Variants in FLVCR1 observed in about 807,000 individuals in gnomAD.
The protein encoded by FLVCR1 is choline/ethanolamine transporter FLVCR1.
Under a neutral mutation model 53.6 loss-of-function variants are expected in FLVCR1, and 34 were observed. The observed-to-expected ratio is 0.63, with a 90% confidence interval of 0.48 to 0.84. The LOEUF (loss-of-function observed/expected upper bound fraction) is 0.84, where lower values mean the gene tolerates loss of function less well. Ranked by LOEUF, FLVCR1 falls within the 40% of genes least tolerant of loss-of-function variation. FLVCR1 has a pLI of 0.00. For missense variants in FLVCR1, 677 were observed against 696.7 expected (o/e 0.97, Z 0.32); for synonymous variants, 300 against 286.3 (o/e 1.05, Z -0.48).
intron 3 of FLVCR1, among the ~76,000 whole-genome samples, chr1:212,877,685 A>G (rs549085060): frequency 4.1e-4 from 30 of 72,832 alleles, no homozygotes; most frequent in African/African-American, 1.2e-3. Flanking sequence ...CTCTGATGAT[A>G]GTTTTTTTTT....
chr1:212,888,184 G>T lies in FLVCR1; in HGVS notation c.1307+183G>T, dbSNP rs536917064. On this transcript the variant is annotated intron_variant, in intron 6 of 9. Transcript: ENST00000366971. The stretch of plus-strand genomic sequence containing the variant: ...AACTATTAAAAATTATTTAAAATTG[G>T]TTTTTGGTATACCATAGGTAAAAAA... 3.3e-5 allele frequency among the ~76,000 whole-genome samples: 5 copies of T among 152,138 alleles called. No homozygotes were observed. The East Asian group carries it at 7.7e-4, about 23-fold the overall frequency.
chr1:212,893,470 C>T (rs926941641), intron 8 of FLVCR1, among the ~76,000 whole-genome samples: 10 of 152,166 alleles, frequency 6.6e-5, no homozygotes, highest in Admixed American at 2.0e-4. Flanking sequence ...ATAAACTTAG[C>T]TGATGAAGCA....
At chr1:212,879,528 T>C (rs1203323301) in intron 3 of FLVCR1, among the ~76,000 whole-genome samples, 1 of 151,966 alleles carries the variant, frequency 6.6e-6, no homozygotes, top group East Asian at 2.0e-4. Context: ...AAGATAAAAT[T>C]TTTTTTGGAA....
At position 212,896,091 on chromosome 1, in the gene FLVCR1, A is replaced by T. The variant is rs1326601065; in HGVS notation, c.*801A>T. ...ATTTTTTCACTCCAACTTGAGATAG[A>T]GTAGTTTTGTACCCATTGCCTTTTT... On this transcript the variant is annotated 3_prime_UTR_variant, in exon 10 of 10. Transcript: ENST00000366971. 1 of 150,134 alleles carries T rather than the reference A, an allele frequency of 6.7e-6. No individual in the cohort carries two copies. The highest frequency in any genetic ancestry group is 1.5e-5 in the Non-Finnish European group (1 of 67,744). The allele number at this position is 150,134 out of a possible 1,614,324, so 9.3% of individuals were successfully genotyped here.
rs777463003 is a variant in FLVCR1 at position 212,858,744 on chromosome 1, C to G, written c.292C>G (p.Leu98Val). Residue 98 changes from leucine to valine, a missense_variant, in exon 1 of 10, where the codon CTG becomes GTG. Transcript: ENST00000366971. Reference protein sequence around the residue: ...AETPGAESSPLPLTALSPRRF... With the variant: ...AETPGAESSPVPLTALSPRRF... ...GACCCCGGGGGCCGAGAGCAGCCCG[C>G]TGCCCCTTACGGCGCTCTCCCCGCG... 1 of 1,612,848 alleles carries G rather than the reference C, an allele frequency of 6.2e-7. No individual in the cohort carries two copies. The highest frequency in any genetic ancestry group is 1.3e-5 in the African/African-American group (1 of 75,054).
chr1:212,869,059 C>T lies in FLVCR1; in HGVS notation c.884-3619C>T, dbSNP rs551858904. 1.5e-3 allele frequency among the ~76,000 whole-genome samples: 232 copies of T among 152,188 alleles called. 1 individual carries two copies. Among genetic ancestry groups the T allele is most frequent in the Non-Finnish European group, 2.6e-3 (177 of 68,004 alleles). ...GCCTGAATCACACAGGGACAAATAA[C>T]GAAATTTTAAAAATGTTAAAATACG... is the stretch of plus-strand genomic sequence containing the variant. On this transcript the variant is annotated intron_variant, in intron 2 of 9. Coordinates refer to ENST00000366971, the MANE Select transcript of FLVCR1 (RefSeq NM_014053.4).
intron 5 of FLVCR1, among the ~76,000 whole-genome samples, chr1:212,886,095 G>A (rs1264744791): frequency 2.1e-5 from 3 of 142,496 alleles, no homozygotes; most frequent in Non-Finnish European, 4.5e-5. Context: ...AGGCTGGAGT[G>A]CAGTGGCACC....
chr1:212,882,146 C>A (rs552830114), intron 3 of FLVCR1, among the ~76,000 whole-genome samples: 15 of 152,242 alleles, frequency 9.9e-5, no homozygotes, highest in African/African-American at 3.4e-4. Flanking sequence ...TAGATATATA[C>A]TTAGAGAAGC....
intron 3 of FLVCR1, among the ~76,000 whole-genome samples, chr1:212,876,375 T>C (rs1421722412): frequency 2.0e-5 from 3 of 150,698 alleles, no homozygotes; most frequent in Non-Finnish European, 4.4e-5. Flanking sequence ...CTCATTTCTT[T>C]TTTTTTTTTT....
At chr1:212,872,279 C>A (rs41296738) in intron 2 of FLVCR1, among the ~76,000 whole-genome samples, 6 of 152,060 alleles carry the variant, frequency 3.9e-5, no homozygotes, top group African/African-American at 1.4e-4. Context: ...TGTGCCCAGC[C>A]TTCATGTTTA....
intron 3 of FLVCR1, among the ~76,000 whole-genome samples, chr1:212,882,715 A>G (rs1376376046): frequency 6.6e-6 from 1 of 152,182 alleles, no homozygotes; most frequent in Admixed American, 6.5e-5. Flanking sequence ...AATACATGCT[A>G]GGAGACATCA....
chr1:212,876,434 C>G (rs1033875029), intron 3 of FLVCR1, among the ~76,000 whole-genome samples: 1 of 150,432 alleles, frequency 6.6e-6, no homozygotes, highest in African/African-American at 2.5e-5. Context: ...CACACAATCT[C>G]GGCTCACTGC....
chr1:212,859,302 TA>T, intron 1 of FLVCR1, 112 bp downstream of exon 1: 3 of 1,515,318 alleles, frequency 2.0e-6, no homozygotes, highest in South Asian at 2.3e-5. Flanking sequence ...TATTTGTCTA[TA>T]AAAGAGGAGA....
chr1:212,861,934 T>G (rs1379738727), intron 1 of FLVCR1, among the ~76,000 whole-genome samples: 1 of 152,114 alleles, frequency 6.6e-6, no homozygotes, highest in Non-Finnish European at 1.5e-5. Flanking sequence ...CCTCCCAAAG[T>G]GCTGGGATTA....
In FLVCR1 at chr1:212,885,652, G is replaced by A. The variant is rs370931664; in HGVS notation, c.1196+256G>A. The A allele has an allele frequency of 2.0e-3, 697 of 348,316 alleles. 5 individuals are homozygous for A. The highest frequency in any genetic ancestry group is 0.014 in the African/African-American group (653 of 45,352). 21.6% of individuals were successfully genotyped at this position (348,316 alleles called of 1,614,324 possible). On this transcript the variant is annotated intron_variant, in intron 5 of 9. Coordinates refer to ENST00000366971, the MANE Select transcript of FLVCR1 (RefSeq NM_014053.4). ...TGCAACCTCTGTCTCCCGGCTTCAC[G>A]CCATTTTCCTGCCTCAGCCTCCCGA...
chr1:212,885,574 G>A (rs1195878500), intron 5 of FLVCR1, 178 bp downstream of exon 5: 9 of 297,690 alleles, frequency 3.0e-5, no homozygotes, highest in Admixed American at 6.0e-5. Flanking sequence ...TTTTTGAGAC[G>A]GAGTCTCGTT....
At chr1:212,866,606 C>T (rs544015209) in intron 2 of FLVCR1, among the ~76,000 whole-genome samples, 1 of 151,916 alleles carries the variant, frequency 6.6e-6, no homozygotes, top group Admixed American at 6.6e-5. Context: ...AATAAAAGAT[C>T]TTTACTTGTT....
At chr1:212,860,572 T>A (rs1664203349) in intron 1 of FLVCR1, among the ~76,000 whole-genome samples, 1 of 152,082 alleles carries the variant, frequency 6.6e-6, no homozygotes, top group South Asian at 2.1e-4. Flanking sequence ...CATTTAGAGT[T>A]GCCCAGTCAC....
intron 6 of FLVCR1, among the ~76,000 whole-genome samples, chr1:212,888,202 G>GT (rs1375358570): frequency 6.6e-6 from 1 of 152,118 alleles, no homozygotes; most frequent in African/African-American, 2.4e-5. Flanking sequence ...TATACCATAG[G>GT]TAAAAAATGG....
Sources: allele counts gnomAD v4.1 joint callset (sites outside exome capture counted in the v4.1 genomes callset), GRCh38; gene constraint gnomAD v4.1.1; transcripts MANE v1.5; gene names NCBI Gene and HGNC (gene_info 2026-07-23, HGNC 2026-07-21).